FYCO1: variants seen among roughly 807,000 people sequenced by gnomAD.
FYCO1 encodes the protein FYVE and coiled-coil domain autophagy adaptor 1, also known as FYVE and coiled-coil domain-containing protein 1.
In FYCO1, 122 loss-of-function variants were observed where a neutral mutation model predicts 165.1. The ratio of observed to expected loss-of-function variants is 0.74; its 90% confidence interval spans 0.64 to 0.86. The LOEUF (loss-of-function observed/expected upper bound fraction) is 0.86, where lower values mean the gene tolerates loss of function less well. Ranked by LOEUF, FYCO1 falls within the 40% of genes least tolerant of loss-of-function variation. The probability of loss-of-function intolerance (pLI) is 0.00; values close to 1 mark genes in which losing one functional copy is unlikely to be tolerated. For synonymous variants in FYCO1, 648 were observed against 742.5 expected, an observed-to-expected ratio of 0.87 and a Z score of 2.07; for missense variants, 1,702 against 1,810.3, an observed-to-expected ratio of 0.94 and a Z score of 1.09.
chr3:45,956,538 C>A (rs974500285), intron 13 of FYCO1, among the ~76,000 whole-genome samples: 3 of 151,788 alleles, frequency 2.0e-5, no homozygotes, highest in African/African-American at 7.2e-5. Flanking sequence ...CACATGACCA[C>A]TAAGGCAGGC....
chr3:45,966,772 T>G lies in FYCO1; in HGVS notation c.2562A>C (p.Ala854=). ...CCTCATCGGCCCTCTCCTCCTGCAG[T>G]GCCCCTTCACGCTCCGAGCATTGCA... ...ELLQCSEREG[A]LQEERADEAQ... is the part of the protein sequence containing the mutation. Residue 854 remains alanine (A), a synonymous_variant, in exon 8 of 18, where the codon GCA becomes GCC. Transcript: ENST00000296137. 2 of 1,610,134 alleles carry G rather than the reference T, an allele frequency of 1.2e-6. No homozygotes were observed. Among genetic ancestry groups the G allele is most frequent in the African/African-American group, 2.7e-5 (2 of 75,038 alleles).
chr3:45,956,378 AAATG>A lies in FYCO1; in HGVS notation c.3800-989_3800-986del, dbSNP rs538610974. Among the ~76,000 whole-genome samples the A allele has an allele frequency of 8.0e-3, 1,188 of 149,386 alleles. 17 individuals are homozygous for A. Among genetic ancestry groups the A allele is most frequent in the African/African-American group, 0.025 (996 of 39,120 alleles). On this transcript the variant is annotated intron_variant, in intron 13 of 17. Coordinates refer to ENST00000296137, the MANE Select transcript of FYCO1 (RefSeq NM_024513.4). ...TAAATAAATAAATAAATAAATAAATAAATGAGTAGACAGGAAATGTCAAAAATCA... is the reference window on the plus strand; with the variant it reads ...TAAATAAATAAATAAATAAATAAATAAGTAGACAGGAAATGTCAAAAATCA...
At chr3:45,970,944 T>G (rs1706409796) in intron 6 of FYCO1, among the ~76,000 whole-genome samples, 1 of 151,930 alleles carries the variant, frequency 6.6e-6, no homozygotes, top group Admixed American at 6.6e-5. Flanking sequence ...AAGCATAAGA[T>G]CTGAGAATGA....
chr3:45,991,386 C>A (rs1398224025), intron 1 of FYCO1, among the ~76,000 whole-genome samples: 1 of 152,186 alleles, frequency 6.6e-6, no homozygotes, highest in African/African-American at 2.4e-5. Context: ...AATCTCTTAA[C>A]CCAGCTTGTG....
In FYCO1 at chr3:45,969,669, C is replaced by A. The variant is rs375784233; in HGVS notation, c.630+6G>T. ...GGAAGATAATTCCCAGCCTTCCTGG[C>A]CTTACCTGCAGGTAGCTGCTCACCA... On this transcript the variant is annotated splice_donor_region_variant and intron_variant, in intron 7 of 17. Transcript: ENST00000296137. 13 of 1,611,990 alleles carry A rather than the reference C, an allele frequency of 8.1e-6. No individual in the cohort carries two copies. The highest frequency in any genetic ancestry group is 1.0e-5 in the Non-Finnish European group (12 of 1,178,128).
Position 45,921,062 on chromosome 3 carries a change from A to G in FYCO1, c.*703T>C. On this transcript the variant is annotated 3_prime_UTR_variant, in exon 18 of 18. Coordinates refer to ENST00000296137, the MANE Select transcript of FYCO1 (RefSeq NM_024513.4). ...TAGGGCAATGCTTTGAGCTGTGGAG[A>G]GGTCTGGCTGAGTGAAGGGCTTTAT... The G allele has an allele frequency of 6.3e-6, 1 of 158,548 alleles. No individual in the cohort carries two copies. The highest frequency in any genetic ancestry group is 1.4e-5 in the Non-Finnish European group (1 of 71,332). The allele number at this position is 158,548 out of a possible 1,614,324, so 9.8% of individuals were successfully genotyped here.
chr3:45,955,482 G>C, intron 13 of FYCO1, 89 bp from the exon 14 acceptor site: 4 of 1,390,732 alleles, frequency 2.9e-6, no homozygotes, highest in African/African-American at 1.4e-5. Context: ...GTGAGAGAGT[G>C]CAGCTATGCA....
intron 14 of FYCO1, among the ~76,000 whole-genome samples, chr3:45,954,846 A>G (rs953774105): frequency 2.6e-5 from 4 of 152,230 alleles, no homozygotes. Flanking sequence ...CTGCAAGCCA[A>G]GGAGAAGCAT....
At position 45,964,797 on chromosome 3, in the gene FYCO1, C is replaced by A. The variant is rs921589460; in HGVS notation, c.3150+236G>T. On this transcript the variant is annotated intron_variant, in intron 9 of 17. Transcript: ENST00000296137. The surrounding 1 kb of genome is among the most constrained non-coding windows in gnomAD (Gnocchi z 4.1). ...CATTTCAGAATCACTGGCTGGCGAT[C>A]ACCCATAGAGATGGCCAAAGAGGAC... 6.6e-6 allele frequency among the ~76,000 whole-genome samples: 1 copy of A among 152,202 alleles called. No individual in the cohort carries two copies. The highest frequency in any genetic ancestry group is 2.4e-5 in the African/African-American group (1 of 41,450).
chr3:45,928,174 G>GA lies in FYCO1; in HGVS notation c.4251+2896_4251+2897insT, dbSNP rs1470177246. ...TCTAAAATTAGACAGTGGTAATGGT[G>GA]GTACAACTCTGTGAATATACTAAAA... On this transcript the variant is annotated intron_variant, in intron 16 of 17. Coordinates refer to ENST00000296137, the MANE Select transcript of FYCO1 (RefSeq NM_024513.4). Among the ~76,000 whole-genome samples the GA allele has an allele frequency of 6.6e-5, 10 of 152,258 alleles. No individual in the cohort carries two copies. The East Asian group carries it at 1.7e-3, about 26-fold the overall frequency.
chr3:45,987,822 T>A (rs532648728), intron 1 of FYCO1, among the ~76,000 whole-genome samples: 1 of 152,204 alleles, frequency 6.6e-6, no homozygotes, highest in Non-Finnish European at 1.5e-5. Flanking sequence ...ACCAACCAGC[T>A]GGATTTTCTG....
chr3:45,947,062 C>T (rs747183590), intron 14 of FYCO1: 1 of 1,614,202 alleles, frequency 6.2e-7, no homozygotes, highest in South Asian at 1.1e-5. Flanking sequence ...GTTCTTGCCA[C>T]CCAGATGACA....
At position 45,968,223 on chromosome 3, in the gene FYCO1, AGCCT is replaced by A; in HGVS notation, c.1107_1110del (p.Trp371Ter). On this transcript the variant is annotated frameshift_variant, in exon 8 of 18. Coordinates refer to ENST00000296137, the MANE Select transcript of FYCO1 (RefSeq NM_024513.4). LOFTEE classifies it high-confidence loss of function. ...GCCTTCTGCTGAGCCATGGCTAGCC[AGCCT>A]GGGAAGCTGGCTAAATGCTGGTTTT... is the stretch of plus-strand genomic sequence containing the variant. 1 of 1,613,992 alleles carries A rather than the reference AGCCT, an allele frequency of 6.2e-7. No individual in the cohort carries two copies. Among genetic ancestry groups the A allele is most frequent in the Non-Finnish European group, 8.5e-7 (1 of 1,180,012 alleles).
intron 1 of FYCO1, among the ~76,000 whole-genome samples, chr3:45,991,793 G>A (rs538084965): frequency 3.3e-5 from 5 of 152,324 alleles, no homozygotes; most frequent in African/African-American, 7.2e-5. Context: ...CCACCCCACC[G>A]CATTTCGATG....
chr3:45,966,897 G>C lies in FYCO1; in HGVS notation c.2437C>G (p.Leu813Val). 6.2e-7 allele frequency: 1 copy of C among 1,613,610 alleles called. No individual in the cohort carries two copies. Among genetic ancestry groups the C allele is most frequent in the East Asian group, 2.2e-5 (1 of 44,884 alleles). The stretch of plus-strand genomic sequence containing the variant: ...CTCAGGACGGCCTCAGCCATGCTTA[G>C]CTGGCTCTGCACCTTGTCCTGGTCA... ...LDDQDKVQSQ[L>V]SMAEAVLREH... is the part of the protein sequence containing the mutation. Residue 813 changes from leucine (L) to valine (V), a missense_variant, in exon 8 of 18, where the codon CTA becomes GTA. By Grantham distance (32) the Leu-to-Val change is conservative. Coordinates refer to ENST00000296137, the MANE Select transcript of FYCO1 (RefSeq NM_024513.4).
chr3:45,958,686 C>T, intron 12 of FYCO1, 67 bp from the exon 13 acceptor site: 1 of 1,500,996 alleles, frequency 6.7e-7, no homozygotes, highest in East Asian at 2.3e-5. Context: ...TGCTCAGCAC[C>T]CAAACTGGGC....
At chr3:45,985,334 A>G (rs1045886253) in intron 1 of FYCO1, among the ~76,000 whole-genome samples, 5 of 152,088 alleles carry the variant, frequency 3.3e-5, no homozygotes, top group African/African-American at 1.2e-4. Context: ...TTAAAAAGCC[A>G]CCTAGTGGCT....
chr3:45,949,234 AG>A (rs1704839558), intron 14 of FYCO1, among the ~76,000 whole-genome samples: 1 of 152,180 alleles, frequency 6.6e-6, no homozygotes, highest in South Asian at 2.1e-4. Flanking sequence ...TGGACCTCCG[AG>A]TGCTTCCTCC....
Position 45,968,280 on chromosome 3 carries a change from C to T in FYCO1, c.1054G>A (p.Glu352Lys), listed in dbSNP as rs1422196776. The change falls in exon 8 of 18, where the codon GAG becomes AAG. Residue 352 changes from glutamate to lysine, a missense_variant. Physicochemically the swap from Glu to Lys is moderately conservative, Grantham distance 56. Transcript: ENST00000296137. Reference sequence around the variant, plus strand: ...TTGTCCAGTGAGTCCCGTGTGGCCTCAAGCTCCTGTGCCAAGGGCTGCAGC... The same window carrying T: ...TTGTCCAGTGAGTCCCGTGTGGCCTTAAGCTCCTGTGCCAAGGGCTGCAGC... ...SMLQPLAQEL[E>K]ATRDSLDKKN... The T allele has an allele frequency of 1.2e-6, 2 of 1,613,908 alleles. No homozygotes were observed. The highest frequency in any genetic ancestry group is 1.3e-5 in the African/African-American group (1 of 74,940).
Sources: allele counts gnomAD v4.1 joint callset (sites outside exome capture counted in the v4.1 genomes callset), GRCh38; gene constraint gnomAD v4.1.1; non-coding constraint Gnocchi (gnomAD v3.1); transcripts MANE v1.5; gene names NCBI Gene and HGNC (gene_info 2026-07-23, HGNC 2026-07-21).